A4GNT: variants seen among roughly 807,000 people sequenced by gnomAD.
A4GNT encodes alpha-1,4-N-acetylglucosaminyltransferase.
A4GNT carries 6 observed loss-of-function variants against 8.3 expected under a neutral mutation model. The ratio of observed to expected loss-of-function variants is 0.72; its 90% CI spans 0.39 to 1.42. The LOEUF (loss-of-function observed/expected upper bound fraction) is 1.42, where lower values mean the gene tolerates loss of function less well. Among genes scored for constraint, A4GNT ranks in the 40% most tolerant of loss-of-function variants. A4GNT has a pLI of 0.02. For missense variants in A4GNT, 377 were observed against 417.0 expected (o/e 0.90, Z 0.84); for synonymous variants, 157 against 159.8 (o/e 0.98, Z 0.13).
intron 1 of A4GNT, 45 bp from the exon 2 acceptor site, chr3:138,131,327 G>C: frequency 7.3e-7 from 1 of 1,378,466 alleles, no homozygotes; most frequent in Non-Finnish European, 9.5e-7. Flanking sequence ...TGCAAAACCT[G>C]ACAAAGATAG....
intron 2 of A4GNT, among the ~76,000 whole-genome samples, chr3:138,130,396 A>G (rs2042769199): frequency 6.6e-6 from 1 of 152,190 alleles, no homozygotes; most frequent in African/African-American, 2.4e-5. Flanking sequence ...GAGTTTCTCA[A>G]TCATATCTTA....
rs538032742 is a variant in A4GNT, at chr3:138,129,471, C to G, written c.408+1378G>C. ...TTGTCAGAGGCAAGGGATCATCCTT[C>G]CCTAGGAACTCAGGAGGAAATGCAG... On this transcript the variant is annotated intron_variant, in intron 2 of 2. Coordinates refer to ENST00000236709, the MANE Select transcript of A4GNT (RefSeq NM_016161.3). Among the ~76,000 whole-genome samples, 4 of 152,278 alleles carry G rather than the reference C, an allele frequency of 2.6e-5. No individual in the cohort carries two copies. In the South Asian group the frequency reaches 8.3e-4, roughly 32 times the overall value.
chr3:138,124,827 G>T lies in A4GNT; in HGVS notation c.460C>A (p.Arg154Ser), dbSNP rs376190351. ...NWLHISSDAS[R>S]LAIIWKYGGI... The stretch of plus-strand genomic sequence containing the variant: ...CCGTATTTCCAGATGATGGCCAGGC[G>T]GGATGCATCCGAGCTGATGTGGAGC... Residue 154 changes from arginine (R) to serine (S), a missense_variant, in exon 3 of 3, where the codon CGC becomes AGC. Arg to Ser is a moderately radical substitution (Grantham distance 110). Coordinates refer to ENST00000236709, the MANE Select transcript of A4GNT (RefSeq NM_016161.3). 3.7e-6 allele frequency: 6 copies of T among 1,613,676 alleles called. No homozygotes were observed. The African/African-American group carries it at 8.0e-5, about 22-fold the overall frequency.
In A4GNT at chr3:138,124,237, T is replaced by C. The variant is rs1276514408; in HGVS notation, c.*27A>G. ...CTCCAGGAAATGTCCATTTCCACAC[T>C]GCAGCAGCAGCAAACGAGTGTTAGC... On this transcript the variant is annotated 3_prime_UTR_variant, in exon 3 of 3. Transcript: ENST00000236709. 1.3e-6 allele frequency: 2 copies of C among 1,597,682 alleles called. No homozygotes were observed. The highest frequency in any genetic ancestry group is 4.5e-5 in the East Asian group (2 of 44,670).
intron 2 of A4GNT, among the ~76,000 whole-genome samples, chr3:138,125,569 G>C (rs1253708405): frequency 6.6e-6 from 1 of 152,172 alleles, no homozygotes; most frequent in Non-Finnish European, 1.5e-5. Flanking sequence ...GGACTGTGAA[G>C]GGGCCAGGGT....
upstream of A4GNT, chr3:138,132,424 C>G (rs1185388869): frequency 6.6e-6 from 1 of 152,200 alleles, no homozygotes; most frequent in Non-Finnish European, 1.5e-5. Context: ...GATAAATCAC[C>G]ACCCAATCTT....
chr3:138,127,124 A>C (rs1259496896), intron 2 of A4GNT, among the ~76,000 whole-genome samples: 8 of 151,102 alleles, frequency 5.3e-5, no homozygotes, highest in African/African-American at 1.9e-4. Context: ...ATCTCAAAAA[A>C]AAAAAAAAAA....
Position 138,124,804 on chromosome 3 carries a change from G to A in A4GNT, c.483C>T (p.Tyr161=), listed in dbSNP as rs200066128. The change falls in exon 3 of 3, where the codon TAC becomes TAT. Residue 161 remains tyrosine (Y), a synonymous_variant. Transcript: ENST00000236709. ...DASRLAIIWK[Y]GGIYMDTDVI... ...CATCGGTGTCCATGTAGATGCCACC[G>A]TATTTCCAGATGATGGCCAGGCGGG... The A allele has an allele frequency of 1.9e-5, 30 of 1,614,012 alleles. No individual in the cohort carries two copies. The highest frequency in any genetic ancestry group is 6.7e-5 in the East Asian group (3 of 44,880).
chr3:138,132,960 G>A (rs1009372698), upstream of A4GNT, among the ~76,000 whole-genome samples: 17 of 152,188 alleles, frequency 1.1e-4, no homozygotes, highest in Non-Finnish European at 5.9e-5. Flanking sequence ...AGCCAGCTTT[G>A]TTGTCCTCCA....
Position 138,131,204 on chromosome 3 carries a change from C to A in A4GNT, c.53G>T (p.Gly18Val). Residue 18 changes from glycine to valine, a missense_variant, in exon 2 of 3, where the codon GGC becomes GTC. Transcript: ENST00000236709. ...CTTCAGGGTGAACTGGTAGAGGAAG[C>A]CACAGACAAGCAGCAAGGTGACTGA... ...SLSVTLLLVC[G>V]FLYQFTLKSS... 2.5e-6 allele frequency: 4 copies of A among 1,608,602 alleles called. 1 individual carries two copies. Among genetic ancestry groups the A allele is most frequent in the South Asian group, 1.1e-5 (1 of 90,876 alleles).
chr3:138,124,223 G>C lies in A4GNT; in HGVS notation c.*41C>G. On this transcript the variant is annotated 3_prime_UTR_variant, in exon 3 of 3. Coordinates refer to ENST00000236709, the MANE Select transcript of A4GNT (RefSeq NM_016161.3). ...GTGAAAATGTGGCACTCCAGGAAAT[G>C]TCCATTTCCACACTGCAGCAGCAGC... 2 of 1,578,128 alleles carry C rather than the reference G, an allele frequency of 1.3e-6. No homozygotes were observed. Among genetic ancestry groups the C allele is most frequent in the Non-Finnish European group, 1.7e-6 (2 of 1,160,106 alleles).
chr3:138,125,993 G>C (rs1471344006), intron 2 of A4GNT, among the ~76,000 whole-genome samples: 3 of 152,166 alleles, frequency 2.0e-5, no homozygotes, highest in Non-Finnish European at 2.9e-5. Flanking sequence ...TATTTGAAAG[G>C]TTTAGAAGAA....
chr3:138,133,187 A>G (rs896608392), upstream of A4GNT, among the ~76,000 whole-genome samples: 1 of 152,204 alleles, frequency 6.6e-6, no homozygotes, highest in Non-Finnish European at 1.5e-5. Flanking sequence ...CTAACATAGC[A>G]GGTCCTACAT....
rs748428271 is a variant in A4GNT, at chr3:138,124,630, A to C, written c.657T>G (p.Ile219Met). 6.2e-7 allele frequency: 1 copy of C among 1,614,196 alleles called. No individual in the cohort carries two copies. Among genetic ancestry groups the C allele is most frequent in the South Asian group, 1.1e-5 (1 of 91,078 alleles). The change falls in exon 3 of 3, where the codon ATT (isoleucine) becomes ATG (methionine). Residue 219 changes from isoleucine to methionine, a missense_variant. Coordinates refer to ENST00000236709, the MANE Select transcript of A4GNT (RefSeq NM_016161.3). ...TCAACTCAGGGCCTTGGTTGCCCCA[A>C]ATGGCTGAATTATAGTGTTCAACAA... ...ENFVEHYNSA[I>M]WGNQGPELMT...
intron 2 of A4GNT, among the ~76,000 whole-genome samples, chr3:138,130,426 C>G (rs78746666): frequency 6.6e-6 from 1 of 152,024 alleles, no homozygotes; most frequent in Non-Finnish European, 1.5e-5. Flanking sequence ...AATCTCATAT[C>G]GCAGCATTTC....
Position 138,131,195 on chromosome 3 carries a change from T to C in A4GNT, c.62A>G (p.Tyr21Cys), listed in dbSNP as rs1445040771. 4 of 1,610,634 alleles carry C rather than the reference T, an allele frequency of 2.5e-6. No individual in the cohort carries two copies. Among genetic ancestry groups the C allele is most frequent in the Non-Finnish European group, 3.4e-6 (4 of 1,177,220 alleles). ...GCAGCTGGACTTCAGGGTGAACTGG[T>C]AGAGGAAGCCACAGACAAGCAGCAA... ...VTLLLVCGFLYQFTLKSSCLF... is the reference protein window; with the variant it reads ...VTLLLVCGFLCQFTLKSSCLF... The change falls in exon 2 of 3, where the codon TAC (tyrosine) becomes TGC (cysteine). Residue 21 changes from tyrosine (Y) to cysteine (C), a missense_variant. By Grantham distance (194) the Tyr-to-Cys change is radical (BLOSUM62 -2). Transcript: ENST00000236709.
chr3:138,124,852 C>T lies in A4GNT; in HGVS notation c.435G>A (p.Trp145Ter). 1.2e-6 allele frequency: 2 copies of T among 1,612,562 alleles called. No homozygotes were observed. The highest frequency in any genetic ancestry group is 1.7e-6 in the Non-Finnish European group (2 of 1,179,470). The change falls in exon 3 of 3, where the codon TGG becomes TGA. Residue 145 changes from tryptophan to a stop codon, truncating the protein, a stop_gained. Coordinates refer to ENST00000236709, the MANE Select transcript of A4GNT (RefSeq NM_016161.3). LOFTEE classifies it low-confidence loss of function (END_TRUNC). ...GGGATGCATCCGAGCTGATGTGGAG[C>T]CAGTTTCTCTCTGCGCTGGCGTTGA... The part of the protein sequence containing the change: ...NQINASAERN[W>*]LHISSDASRL...
Position 138,124,363 on chromosome 3 carries a change from C to T in A4GNT, c.924G>A (p.Val308=). 6.2e-7 allele frequency: 1 copy of T among 1,614,224 alleles called. No homozygotes were observed. The highest frequency in any genetic ancestry group is 8.5e-7 in the Non-Finnish European group (1 of 1,180,046). ...GACAGTGCTTGCGATAGAGATTTTCCACCAGTGTGTTGCTTCCTCTAATCA... is the reference window on the plus strand; with the variant it reads ...GACAGTGCTTGCGATAGAGATTTTCTACCAGTGTGTTGCTTCCTCTAATCA... ...RAVIRGSNTL[V]ENLYRKHCPR... is the part of the protein sequence containing the mutation. Residue 308 remains valine (V), a synonymous_variant, in exon 3 of 3, where the codon GTG becomes GTA. Coordinates refer to ENST00000236709, the MANE Select transcript of A4GNT (RefSeq NM_016161.3).
At chr3:138,130,771 A>G (rs947353174) in intron 2 of A4GNT, 78 bp downstream of exon 2, 147 of 1,504,640 alleles carry the variant, frequency 9.8e-5, no homozygotes, top group Middle Eastern at 1.8e-4. Context: ...TTCTATTCCC[A>G]TCTCCGACCT....
Sources: allele counts gnomAD v4.1 joint callset (sites outside exome capture counted in the v4.1 genomes callset), GRCh38; gene constraint gnomAD v4.1.1; transcripts MANE v1.5; gene names NCBI Gene and HGNC (gene_info 2026-07-23, HGNC 2026-07-21).